KCND2: variants seen among roughly 807,000 people sequenced by gnomAD.
The protein encoded by KCND2 is A-type voltage-gated potassium channel KCND2.
KCND2 carries 16 observed loss-of-function variants against 54.4 expected under a neutral mutation model. That is an observed-to-expected ratio of 0.29 (90% CI 0.20 to 0.45). The LOEUF (loss-of-function observed/expected upper bound fraction) is 0.45, where lower values mean the gene tolerates loss of function less well. Among genes scored for constraint, KCND2 ranks in the 20% least tolerant of loss-of-function variants. The pLI, the probability that KCND2 is intolerant of heterozygous loss-of-function variation, is 1.00. For missense variants in KCND2, 486 were observed against 824.2 expected, an observed-to-expected ratio of 0.59 and a Z score of 5.02; for synonymous variants, 317 against 310.7, an observed-to-expected ratio of 1.02 and a Z score of -0.21.
intron 1 of KCND2, among the ~76,000 whole-genome samples, chr7:120,696,563 T>A (rs957269169): frequency 1.3e-5 from 2 of 152,186 alleles, no homozygotes; most frequent in African/African-American, 4.8e-5. Context: ...AAACTTACTA[T>A]CCAATACAAC....
At chr7:120,464,386 A>C (rs1390569663) in intron 1 of KCND2, among the ~76,000 whole-genome samples, 1 of 152,154 alleles carries the variant, frequency 6.6e-6, no homozygotes, top group Admixed American at 6.6e-5. Context: ...TAATGGTTGA[A>C]GAAGCAGACA....
chr7:120,470,845 A>G (rs1802442940), intron 1 of KCND2, among the ~76,000 whole-genome samples: 1 of 151,818 alleles, frequency 6.6e-6, no homozygotes, highest in Non-Finnish European at 1.5e-5. Context: ...TAATATAAGT[A>G]AATCCCATCC....
intron 1 of KCND2, among the ~76,000 whole-genome samples, chr7:120,642,548 C>A (rs936369447): frequency 6.9e-6 from 1 of 144,442 alleles, no homozygotes. Flanking sequence ...ATTGATAATT[C>A]GTCTCAATAA....
intron 1 of KCND2, among the ~76,000 whole-genome samples, chr7:120,567,507 C>T (rs1363815983): frequency 2.0e-5 from 3 of 152,094 alleles, no homozygotes; most frequent in African/African-American, 7.2e-5. Context: ...ATCTCTATTT[C>T]AAAGGGCAAT....
At chr7:120,717,884 T>C (rs1792622320) in intron 1 of KCND2, among the ~76,000 whole-genome samples, 1 of 152,084 alleles carries the variant, frequency 6.6e-6, no homozygotes, top group South Asian at 2.1e-4. Context: ...TGTCTCTCTC[T>C]CCTAGAGGTC....
intron 1 of KCND2, among the ~76,000 whole-genome samples, chr7:120,523,722 GTGTGTGTGTGTGTGTGTGTGTGTGTA>G (rs1346092057): frequency 2.1e-5 from 3 of 145,910 alleles, no homozygotes; most frequent in African/African-American, 7.6e-5. Flanking sequence ...GTGTGTGTGT[GTGTGTGTGTGTGTGTGTGTGTGTGTA>G]TGTCTTTGGC....
intron 1 of KCND2, among the ~76,000 whole-genome samples, chr7:120,486,376 A>G (rs995844828): frequency 6.6e-6 from 1 of 152,150 alleles, no homozygotes; most frequent in Non-Finnish European, 1.5e-5. Context: ...ACGTAAGGTG[A>G]TTCATGCTGC....
chr7:120,686,072 G>C (rs1317700047), intron 1 of KCND2, among the ~76,000 whole-genome samples: 2 of 152,102 alleles, frequency 1.3e-5, no homozygotes, highest in Non-Finnish European at 2.9e-5. Flanking sequence ...TACTTAAGGG[G>C]TATACCTAAG....
At chr7:120,407,550 T>C (rs6466745) in intron 1 of KCND2, among the ~76,000 whole-genome samples, 48,961 of 151,712 alleles carry the variant, frequency 0.32, 10,920 homozygotes, top group African/African-American at 0.62. Flanking sequence ...TAATATACTC[T>C]CCTTTCTGTG....
intron 1 of KCND2, among the ~76,000 whole-genome samples, chr7:120,479,807 A>C (rs1233312822): frequency 1.3e-5 from 2 of 149,258 alleles, no homozygotes; most frequent in Non-Finnish European, 1.5e-5. Flanking sequence ...AAAAAAAAAA[A>C]AAAAAAAAAA....
intron 1 of KCND2, among the ~76,000 whole-genome samples, chr7:120,730,365 G>C (rs927830468): frequency 6.6e-6 from 1 of 152,056 alleles, no homozygotes; most frequent in Admixed American, 6.6e-5. Flanking sequence ...ACATAATTTG[G>C]CTCATATGTA....
chr7:120,596,848 A>G (rs571149848), intron 1 of KCND2, among the ~76,000 whole-genome samples: 1 of 152,306 alleles, frequency 6.6e-6, no homozygotes, highest in South Asian at 2.1e-4. Context: ...ATTATACTAC[A>G]TTGTGCTGAG....
chr7:120,589,714 CA>C, intron 1 of KCND2, among the ~76,000 whole-genome samples: 1 of 152,030 alleles, frequency 6.6e-6, no homozygotes. Flanking sequence ...AAGTGAAGAA[CA>C]GAAATCTTCT....
chr7:120,679,976 T>G (rs1792119012), intron 1 of KCND2, among the ~76,000 whole-genome samples: 1 of 152,074 alleles, frequency 6.6e-6, no homozygotes, highest in South Asian at 2.1e-4. Context: ...AAGGAAAAAG[T>G]CAGAGACGGT....
At chr7:120,314,333 A>C (rs1409141554) in intron 1 of KCND2, among the ~76,000 whole-genome samples, 1 of 122,142 alleles carries the variant, frequency 8.2e-6, no homozygotes, top group African/African-American at 3.8e-5. Flanking sequence ...ACTCCATCTC[A>C]AAAAAAAAAA....
intron 1 of KCND2, among the ~76,000 whole-genome samples, chr7:120,279,532 A>G (rs1397331386): frequency 6.6e-6 from 1 of 151,986 alleles, no homozygotes; most frequent in Non-Finnish European, 1.5e-5. Context: ...TTAACGATAT[A>G]AATTATATGC....
Position 120,274,866 on chromosome 7 carries a change from A to G in KCND2, c.234A>G (p.Pro78=), listed in dbSNP as rs547897725. The change falls in exon 1 of 6, where the codon CCA becomes CCG. Residue 78 remains proline, a synonymous_variant. Coordinates refer to ENST00000331113, the MANE Select transcript of KCND2 (RefSeq NM_012281.3). The part of the protein sequence containing the change: ...GSSERDFFYH[P]ETQQYFFDRD... Reference sequence around the variant, plus strand: ...CTGAGAGGGACTTTTTCTACCACCCAGAAACTCAGCAGTATTTCTTTGACC... The same window carrying G: ...CTGAGAGGGACTTTTTCTACCACCCGGAAACTCAGCAGTATTTCTTTGACC... The G allele has an allele frequency of 1.9e-6, 3 of 1,614,038 alleles. No homozygotes were observed. The highest frequency in any genetic ancestry group is 2.5e-6 in the Non-Finnish European group (3 of 1,180,036).
chr7:120,389,852 A>G (rs1210930182), intron 1 of KCND2, among the ~76,000 whole-genome samples: 1 of 151,916 alleles, frequency 6.6e-6, no homozygotes, highest in Non-Finnish European at 1.5e-5. Flanking sequence ...AAACCTTTTT[A>G]TAGATCCCCA....
At chr7:120,517,096 A>C (rs1177558676) in intron 1 of KCND2, among the ~76,000 whole-genome samples, 1 of 152,170 alleles carries the variant, frequency 6.6e-6, no homozygotes. Context: ...TATTCATTTT[A>C]CAAATTATTG....
Sources: allele counts gnomAD v4.1 joint callset (sites outside exome capture counted in the v4.1 genomes callset), GRCh38; gene constraint gnomAD v4.1.1; transcripts MANE v1.5; gene names NCBI Gene and HGNC (gene_info 2026-07-23, HGNC 2026-07-21).